The following PDE3A variants were observed in gnomAD, a reference collection of about 807,000 sequenced individuals.
The protein encoded by PDE3A is phosphodiesterase 3A.
A neutral mutation model predicts 98.3 loss-of-function variants in PDE3A; 43 were observed. The observed-to-expected ratio is 0.44, with a 90% CI of 0.34 to 0.56. The LOEUF is 0.56. PDE3A is among the 20% of genes least tolerant of loss of function. The pLI, the probability that PDE3A is intolerant of heterozygous loss-of-function variation, is 0.01. For missense variants in PDE3A, 1,427 were observed against 1,440.7 expected (o/e 0.99, Z 0.15); for synonymous variants, 663 against 567.9 (o/e 1.17, Z -2.38).
Position 20,518,198 on chromosome 12 carries a change from G to A in PDE3A, c.961-38462G>A, listed in dbSNP as rs1351460321. On this transcript the variant is annotated intron_variant, in intron 1 of 15. Transcript: ENST00000359062. ...CAGAAAGGACTGGTTATTCATTCCTGGGACTGCTTTATAAAGAGAGATCTT... is the reference window on the plus strand; with the variant it reads ...CAGAAAGGACTGGTTATTCATTCCTAGGACTGCTTTATAAAGAGAGATCTT... Among the ~76,000 whole-genome samples the A allele has an allele frequency of 2.0e-5, 3 of 152,264 alleles. No homozygotes were observed. In the East Asian group the frequency reaches 5.8e-4, roughly 29 times the overall value.
intron 1 of PDE3A, among the ~76,000 whole-genome samples, chr12:20,514,489 G>A (rs923254971): frequency 5.3e-5 from 8 of 152,122 alleles, no homozygotes; most frequent in Admixed American, 3.9e-4. Flanking sequence ...TGGCAGTAAC[G>A]TTATCATTTC....
In PDE3A at chr12:20,369,844, C is replaced by A; in HGVS notation, c.560C>A (p.Ser187Ter). The A allele has an allele frequency of 6.2e-7, 1 of 1,611,880 alleles. No individual in the cohort carries two copies. The highest frequency in any genetic ancestry group is 8.5e-7 in the Non-Finnish European group (1 of 1,179,378). The change falls in exon 1 of 16, where the codon TCA (serine) becomes TAA (stop). Residue 187 changes from serine (S) to a stop codon, truncating the protein, a stop_gained. Coordinates refer to ENST00000359062, the MANE Select transcript of PDE3A (RefSeq NM_000921.5). LOFTEE classifies it high-confidence loss of function. ...GLGVGEDHLL[S>*]LPAAGVVLSC... is the part of the protein sequence containing the mutation. ...GGCGTCGGGGAGGATCACTTACTCTCACTCCCCGCCGCGGGGGTGGTGCTC... is the reference window on the plus strand; with the variant it reads ...GGCGTCGGGGAGGATCACTTACTCTAACTCCCCGCCGCGGGGGTGGTGCTC...
At chr12:20,676,794 C>T (rs369317235) in intron 15 of PDE3A, among the ~76,000 whole-genome samples, 153 of 152,254 alleles carry the variant, frequency 1.0e-3, no homozygotes, top group African/African-American at 3.6e-3. Flanking sequence ...CCACCGCACC[C>T]AGCCATCTTT....
chr12:20,401,706 A>G (rs925618711), intron 1 of PDE3A, among the ~76,000 whole-genome samples: 2 of 152,142 alleles, frequency 1.3e-5, no homozygotes, highest in South Asian at 2.1e-4. Context: ...CTGAGTCTCC[A>G]TAGCGCTGTA....
chr12:20,624,849 T>C (rs1036122484), intron 5 of PDE3A, among the ~76,000 whole-genome samples: 1 of 152,152 alleles, frequency 6.6e-6, no homozygotes, highest in African/African-American at 2.4e-5. Flanking sequence ...GGTTGTGACA[T>C]GTTTGATGCA....
chr12:20,643,813 T>C (rs1234697210), intron 10 of PDE3A, among the ~76,000 whole-genome samples: 1 of 152,250 alleles, frequency 6.6e-6, no homozygotes, highest in South Asian at 2.1e-4. Flanking sequence ...GTTGAAAGTT[T>C]GTTTTTTGTT....
intron 1 of PDE3A, among the ~76,000 whole-genome samples, chr12:20,519,570 G>A (rs1263686004): frequency 6.6e-6 from 1 of 152,020 alleles, no homozygotes; most frequent in Non-Finnish European, 1.5e-5. Context: ...TACGCTTTGT[G>A]GAAAGTATTA....
chr12:20,635,194 GC>G, intron 8 of PDE3A, 138 bp downstream of exon 8: 1 of 691,724 alleles, frequency 1.4e-6, no homozygotes, highest in African/African-American at 1.8e-5. Flanking sequence ...GACGAAGCGG[GC>G]AGATCACGAG....
At chr12:20,431,753 C>T (rs1443745026) in intron 1 of PDE3A, among the ~76,000 whole-genome samples, 1 of 152,118 alleles carries the variant, frequency 6.6e-6, no homozygotes, top group African/African-American at 2.4e-5. Flanking sequence ...ATTTAAAGAA[C>T]AGAAACTAAG....
At chr12:20,679,731 T>C (rs1006936171) in intron 15 of PDE3A, among the ~76,000 whole-genome samples, 1 of 151,964 alleles carries the variant, frequency 6.6e-6, no homozygotes, top group East Asian at 1.9e-4. Context: ...TACCAAGATA[T>C]AAGCAGAATC....
At chr12:20,639,023 T>C (rs1592137501) in intron 9 of PDE3A, among the ~76,000 whole-genome samples, 1 of 152,138 alleles carries the variant, frequency 6.6e-6, no homozygotes, top group East Asian at 1.9e-4. Context: ...TTCTCATATC[T>C]TCATAAAACA....
intron 1 of PDE3A, among the ~76,000 whole-genome samples, chr12:20,412,294 G>T (rs1944347619): frequency 6.6e-6 from 1 of 152,152 alleles, no homozygotes; most frequent in African/African-American, 2.4e-5. Context: ...TAGATGTGTT[G>T]TAAAAGCTTT....
chr12:20,648,052 C>A (rs1487329559), intron 12 of PDE3A, among the ~76,000 whole-genome samples: 1 of 151,448 alleles, frequency 6.6e-6, no homozygotes, highest in Non-Finnish European at 1.5e-5. Flanking sequence ...CTTCTCTCTG[C>A]ATTATTAGAG....
chr12:20,596,025 TAA>T (rs1421576503), intron 2 of PDE3A, among the ~76,000 whole-genome samples: 2 of 152,226 alleles, frequency 1.3e-5, no homozygotes, highest in African/African-American at 4.8e-5. Flanking sequence ...ATTATAATTT[TAA>T]AAGATTATTT....
rs141661513 is a variant in PDE3A at position 20,438,374 on chromosome 12, G to T, written c.960+68130G>T. Among the ~76,000 whole-genome samples the T allele has an allele frequency of 7.9e-5, 12 of 152,220 alleles. No homozygotes were observed. In the East Asian group the frequency reaches 2.3e-3, roughly 29 times the overall value. On this transcript the variant is annotated intron_variant, in intron 1 of 15. Transcript: ENST00000359062. The stretch of plus-strand genomic sequence containing the variant: ...AGGGTTGTCAGGGCTGTTATGCTGT[G>T]TCCCAAGCCAAATACATTTCTCAGC...
At chr12:20,668,320 G>A (rs1945375983) in intron 15 of PDE3A, among the ~76,000 whole-genome samples, 2 of 152,218 alleles carry the variant, frequency 1.3e-5, no homozygotes, top group Admixed American at 6.5e-5. Flanking sequence ...AAAGCAGCCA[G>A]GAAGCTCGAA....
At chr12:20,657,370 T>A (rs1429246822) in intron 15 of PDE3A, among the ~76,000 whole-genome samples, 1 of 152,192 alleles carries the variant, frequency 6.6e-6, no homozygotes, top group African/African-American at 2.4e-5. Flanking sequence ...TCAGAATTCA[T>A]ACTGGCTAAA....
At chr12:20,492,258 A>G (rs989191642) in intron 1 of PDE3A, among the ~76,000 whole-genome samples, 1 of 152,146 alleles carries the variant, frequency 6.6e-6, no homozygotes, top group African/African-American at 2.4e-5. Context: ...TGCTGGGATT[A>G]CAAGTGTGAG....
chr12:20,407,594 T>C (rs922255166), intron 1 of PDE3A, among the ~76,000 whole-genome samples: 1 of 152,184 alleles, frequency 6.6e-6, no homozygotes, highest in African/African-American at 2.4e-5. Context: ...TCCAGTTTAT[T>C]AGATTGGATT....
Sources: gnomAD v4.1 joint callset for allele counts (sites outside exome capture counted in the v4.1 genomes callset) on GRCh38, gnomAD v4.1.1 for gene constraint, MANE v1.5 for transcripts, NCBI Gene and HGNC (gene_info 2026-07-23, HGNC 2026-07-21) for gene names.